Variants in DNER observed in about 807,000 individuals in gnomAD.
DNER encodes the protein delta and Notch-like epidermal growth factor-related receptor.
Under a neutral mutation model 78.2 loss-of-function variants are expected in DNER, and 33 were observed. The observed-to-expected ratio is 0.42, with a 90% CI of 0.32 to 0.56. The LOEUF (loss-of-function observed/expected upper bound fraction) is 0.56. DNER is among the 20% of genes least tolerant of loss of function. The pLI, the probability that DNER is intolerant of heterozygous loss-of-function variation, is 0.11. For synonymous variants in DNER, 417 were observed against 384.8 expected (o/e 1.08, Z -0.98); for missense variants, 918 against 975.3 (o/e 0.94, Z 0.78).
intron 1 of DNER, among the ~76,000 whole-genome samples, chr2:229,702,397 G>A (rs773451923): frequency 5.9e-5 from 9 of 152,136 alleles, no homozygotes; most frequent in Middle Eastern, 3.4e-3. Flanking sequence ...TTAGCCAAGC[G>A]TGGTGGTGCA....
intron 4 of DNER, among the ~76,000 whole-genome samples, chr2:229,560,094 T>C (rs1049055749): frequency 2.7e-4 from 41 of 152,238 alleles, no homozygotes; most frequent in Admixed American, 1.3e-4. Flanking sequence ...CACAAAATGC[T>C]GGGCTTCAGG....
intron 1 of DNER, among the ~76,000 whole-genome samples, chr2:229,705,032 C>G (rs1045432006): frequency 1.3e-5 from 2 of 152,158 alleles, no homozygotes. Flanking sequence ...TGACATAGTG[C>G]AGAAATCTGA....
chr2:229,431,494 T>A (rs1031929069), intron 8 of DNER, among the ~76,000 whole-genome samples: 1 of 152,002 alleles, frequency 6.6e-6, no homozygotes, highest in Non-Finnish European at 1.5e-5. Context: ...CTCTTCACAA[T>A]GTTTTAGCTA....
chr2:229,657,310 G>T (rs966572207), intron 1 of DNER, among the ~76,000 whole-genome samples: 1 of 152,080 alleles, frequency 6.6e-6, no homozygotes, highest in Admixed American at 6.6e-5. Context: ...TCACAAAGGG[G>T]AGGATTTCCT....
At chr2:229,499,194 C>T (rs1228334548) in intron 6 of DNER, among the ~76,000 whole-genome samples, 8 of 152,002 alleles carry the variant, frequency 5.3e-5, no homozygotes, top group Non-Finnish European at 8.8e-5. Flanking sequence ...ACCTGTAATC[C>T]CAGCACTTTG....
At chr2:229,398,982 A>G (rs959646485) in intron 10 of DNER, among the ~76,000 whole-genome samples, 1 of 152,048 alleles carries the variant, frequency 6.6e-6, no homozygotes, top group Non-Finnish European at 1.5e-5. Flanking sequence ...ATTAATGGTG[A>G]AAGACTGAAT....
intron 4 of DNER, among the ~76,000 whole-genome samples, chr2:229,585,543 C>T (rs1697479787): frequency 6.6e-6 from 1 of 151,794 alleles, no homozygotes; most frequent in Non-Finnish European, 1.5e-5. Flanking sequence ...GCCTGTAGCC[C>T]CAGTTGCTCA....
At chr2:229,549,854 T>G (rs959919375) in intron 4 of DNER, among the ~76,000 whole-genome samples, 4 of 149,106 alleles carry the variant, frequency 2.7e-5, no homozygotes, top group East Asian at 4.3e-4. Context: ...GAGGTTGCAG[T>G]GAGCCAAGAT....
At chr2:229,678,055 T>G (rs1435341316) in intron 1 of DNER, among the ~76,000 whole-genome samples, 2 of 152,202 alleles carry the variant, frequency 1.3e-5, no homozygotes, top group Admixed American at 6.5e-5. Context: ...AATTTGGGAC[T>G]TCTAAACATT....
intron 8 of DNER, among the ~76,000 whole-genome samples, chr2:229,435,212 C>T (rs752939678): frequency 6.6e-6 from 1 of 152,108 alleles, no homozygotes; most frequent in African/African-American, 2.4e-5. Flanking sequence ...GAAGAAGCCC[C>T]GACTGGTCTG....
chr2:229,509,054 T>G (rs1038341636), intron 6 of DNER, among the ~76,000 whole-genome samples: 1 of 152,170 alleles, frequency 6.6e-6, no homozygotes, highest in African/African-American at 2.4e-5. Context: ...CAACTTCTGT[T>G]TTTGGTGGTG....
intron 1 of DNER, among the ~76,000 whole-genome samples, chr2:229,600,398 G>A (rs1697805907): frequency 6.6e-6 from 1 of 152,148 alleles, no homozygotes; most frequent in South Asian, 2.1e-4. Flanking sequence ...CACAAAAGAG[G>A]GAAAACAGGT....
intron 1 of DNER, among the ~76,000 whole-genome samples, chr2:229,704,199 T>C (rs1699792773): frequency 6.6e-6 from 1 of 152,234 alleles, no homozygotes; most frequent in African/African-American, 2.4e-5. Flanking sequence ...TCACCAATGA[T>C]ATACCAAGAA....
At chr2:229,467,122 C>T (rs1354309791) in intron 7 of DNER, among the ~76,000 whole-genome samples, 1 of 152,046 alleles carries the variant, frequency 6.6e-6, no homozygotes, top group Non-Finnish European at 1.5e-5. Context: ...TGTCCTGGGT[C>T]GCAGCGGCCA....
intron 7 of DNER, among the ~76,000 whole-genome samples, chr2:229,464,534 C>T (rs1003334843): frequency 6.6e-5 from 10 of 152,024 alleles, no homozygotes; most frequent in African/African-American, 2.2e-4. Context: ...AAATAATTGG[C>T]TATTGACAAT....
intron 7 of DNER, among the ~76,000 whole-genome samples, chr2:229,470,416 T>C (rs1213876990): frequency 6.6e-6 from 1 of 152,086 alleles, no homozygotes; most frequent in Non-Finnish European, 1.5e-5. Flanking sequence ...TCCCCAGTGC[T>C]AATGAAAAAA....
chr2:229,476,681 T>C (rs146595898), intron 7 of DNER, among the ~76,000 whole-genome samples: 2 of 152,162 alleles, frequency 1.3e-5, no homozygotes, highest in Admixed American at 1.3e-4. Context: ...GGTAAAACTA[T>C]GCCAGCAGTA....
In DNER at chr2:229,585,837, T is replaced by C. The variant is rs368637607; in HGVS notation, c.847+21A>G. The C allele has an allele frequency of 3.8e-5, 61 of 1,613,302 alleles. No individual in the cohort carries two copies. The African/African-American group carries it at 6.9e-4, about 18-fold the overall frequency. ...GGGTTGAATCAGATGCAGTGTTGAG[T>C]AGAAGATTTTGGTAACTCACCAATA... On this transcript the variant is annotated intron_variant, in intron 4 of 12. Coordinates refer to ENST00000341772, the MANE Select transcript of DNER (RefSeq NM_139072.4).
At chr2:229,406,648 T>G (rs529957023) in intron 10 of DNER, among the ~76,000 whole-genome samples, 1 of 152,290 alleles carries the variant, frequency 6.6e-6, no homozygotes, top group South Asian at 2.1e-4. Flanking sequence ...TTTTTGAGAT[T>G]CACAAAGTCC....
Sources: gnomAD v4.1 joint callset for allele counts (sites outside exome capture counted in the v4.1 genomes callset) on GRCh38, gnomAD v4.1.1 for gene constraint, MANE v1.5 for transcripts, NCBI Gene and HGNC (gene_info 2026-07-23, HGNC 2026-07-21) for gene names.